Variants in BCL6 observed in about 807,000 individuals in gnomAD.
The protein encoded by BCL6 is B-cell lymphoma 6 protein.
In BCL6, 7 loss-of-function variants were observed where a neutral mutation model predicts 59.5. The ratio of observed to expected loss-of-function variants is 0.12; its 90% CI spans 0.07 to 0.22. BCL6 has a LOEUF of 0.22. BCL6 is among the 10% of genes least tolerant of loss of function. BCL6 has a pLI of 1.00. For synonymous variants in BCL6, 339 were observed against 349.7 expected (o/e 0.97, Z 0.34); for missense variants, 685 against 939.4 (o/e 0.73, Z 3.54).
At chr3:187,744,107 A>C (rs1711748779) in intron 1 of BCL6, among the ~76,000 whole-genome samples, 1 of 152,196 alleles carries the variant, frequency 6.6e-6, no homozygotes, top group Admixed American at 6.5e-5. Flanking sequence ...TTCCCTTTTT[A>C]CAGAGCTTGC....
intron 1 of BCL6, among the ~76,000 whole-genome samples, chr3:187,744,765 G>C: frequency 6.6e-6 from 1 of 152,022 alleles, no homozygotes; most frequent in East Asian, 1.9e-4. Flanking sequence ...AGGAAGAAGA[G>C]GCGAGGAAAA....
rs768291789 is a variant in BCL6, at chr3:187,729,876, T to G, written c.529A>C (p.Ser177Arg). ...LPLRSAPGCESRAFAPSLYSG... is the reference protein window; with the variant it reads ...LPLRSAPGCERRAFAPSLYSG... ...TACAGGCTGGGGGCAAAGGCTCTGCTCTCACACCCAGGGGCGCTCCTCAGT... is the reference window on the plus strand; with the variant it reads ...TACAGGCTGGGGGCAAAGGCTCTGCGCTCACACCCAGGGGCGCTCCTCAGT... Residue 177 changes from serine to arginine, a missense_variant, in exon 5 of 10, where the codon AGC (serine) becomes CGC (arginine). By Grantham distance (110) the Ser-to-Arg change is moderately radical. Transcript: ENST00000406870. The surrounding 1 kb of genome is among the most constrained non-coding windows in gnomAD (Gnocchi z 5.6). 1 of 1,614,070 alleles carries G rather than the reference T, an allele frequency of 6.2e-7. No homozygotes were observed. Among genetic ancestry groups the G allele is most frequent in the Admixed American group, 1.7e-5 (1 of 60,004 alleles).
chr3:187,727,409 A>G (rs3774309), intron 6 of BCL6, among the ~76,000 whole-genome samples: 82,162 of 152,228 alleles, frequency 0.54, 25,991 homozygotes, highest in East Asian at 0.8. Flanking sequence ...GCATTCCAGG[A>G]ATGTAAGATA....
chr3:187,726,646 G>GC, intron 7 of BCL6, 85 bp downstream of exon 7: 2 of 1,544,058 alleles, frequency 1.3e-6, no homozygotes, highest in Non-Finnish European at 1.8e-6. Context: ...AGGTCTCCAG[G>GC]CCCCACACAG....
Position 187,745,465 on chromosome 3 carries a change from T to A in BCL6, c.-105A>T, listed in dbSNP as rs1711912532. ...GCATCACCACTTCTAAGAACCCCAG[T>A]TCTAAGAATCAACAGAGCTCAATTC... On this transcript the variant is annotated 5_prime_UTR_variant, in exon 1 of 10. Transcript: ENST00000406870. The A allele has an allele frequency of 2.5e-6, 1 of 399,198 alleles. No homozygotes were observed. The highest frequency in any genetic ancestry group is 6.2e-4 in the Middle Eastern group (1 of 1,618). The allele number at this position is 399,198 out of a possible 1,614,324, so 24.7% of individuals were successfully genotyped here. A position where few individuals can be genotyped will look rare whatever the true frequency, so the allele number is the denominator to read the frequency against.
At chr3:187,724,125 A>C (rs1160244035) in intron 9 of BCL6, among the ~76,000 whole-genome samples, 1 of 152,176 alleles carries the variant, frequency 6.6e-6, no homozygotes, top group Non-Finnish European at 1.5e-5. Flanking sequence ...CCATTCATTG[A>C]TTACTTCTTG....
At chr3:187,737,262 T>A (rs1422162294) in intron 1 of BCL6, 1 of 141,592 alleles carries the variant, frequency 7.1e-6, no homozygotes, top group Admixed American at 7.3e-5. Context: ...AGAAGACAGA[T>A]CCTTTAAAAG....
intron 4 of BCL6, among the ~76,000 whole-genome samples, chr3:187,730,919 G>A (rs1719008674): frequency 1.3e-5 from 2 of 152,204 alleles, no homozygotes; most frequent in Non-Finnish European, 2.9e-5. Context: ...GTGGTTCTGG[G>A]AACACTGAGT....
chr3:187,733,792 A>T (rs769179380), intron 2 of BCL6, 89 bp from the exon 3 acceptor site: 1 of 1,390,328 alleles, frequency 7.2e-7, no homozygotes, highest in South Asian at 1.2e-5. Flanking sequence ...TAGCCTGCTA[A>T]GGTACAGAAT....
chr3:187,731,215 T>A (rs539058453), intron 4 of BCL6, among the ~76,000 whole-genome samples: 190 of 152,294 alleles, frequency 1.2e-3, no homozygotes, highest in African/African-American at 4.5e-3. Context: ...GTGAGTAAGA[T>A]AGCCCCTATA....
intron 1 of BCL6, among the ~76,000 whole-genome samples, chr3:187,741,857 A>G (rs1473838697): frequency 6.6e-6 from 1 of 151,896 alleles, no homozygotes; most frequent in Admixed American, 6.6e-5. Flanking sequence ...ATCCCTCACT[A>G]TCTCGGTATC....
chr3:187,733,688 G>A lies in BCL6; in HGVS notation c.6C>T (p.Ala2=). The A allele has an allele frequency of 1.4e-5, 23 of 1,614,076 alleles. No homozygotes were observed. Among genetic ancestry groups the A allele is most frequent in the Non-Finnish European group, 1.9e-5 (23 of 1,179,976 alleles). Residue 2 remains alanine (A), a synonymous_variant, in exon 3 of 10, where the codon GCC becomes GCT. Transcript: ENST00000406870. ...ACTGGATACAGCTGTCAGCCGGCGA[G>A]GCCATTTTGTCTTCACTTGAAAAAA... is the stretch of plus-strand genomic sequence containing the variant. The part of the protein sequence containing the change: M[A]SPADSCIQFT...
chr3:187,725,196 A>C lies in BCL6; in HGVS notation c.1840-118T>G. 1 of 1,456,842 alleles carries C rather than the reference A, an allele frequency of 6.9e-7. No individual in the cohort carries two copies. Among genetic ancestry groups the C allele is most frequent in the East Asian group, 2.3e-5 (1 of 43,290 alleles). 90.2% of individuals were successfully genotyped at this position (1,456,842 alleles called of 1,614,324 possible). Reference sequence around the variant, plus strand: ...TCTCCAGGCCACTCTGCTCACCTGCACACAGGGACTGAGTGGGCCTTTCTG... The same window carrying C: ...TCTCCAGGCCACTCTGCTCACCTGCCCACAGGGACTGAGTGGGCCTTTCTG... On this transcript the variant is annotated intron_variant, in intron 8 of 9. Transcript: ENST00000406870. This position sits in a 1 kb window ranked among gnomAD's most constrained non-coding sequence, Gnocchi z 4.7.
chr3:187,734,961 T>C (rs1048950784), intron 1 of BCL6, 54 bp from the exon 2 acceptor site: 29 of 152,666 alleles, frequency 1.9e-4, no homozygotes, highest in African/African-American at 2.4e-5. Flanking sequence ...TGTAAGATTG[T>C]CCACTATAGT....
intron 1 of BCL6, among the ~76,000 whole-genome samples, chr3:187,744,950 A>T (rs1711847531): frequency 6.6e-6 from 1 of 152,240 alleles, no homozygotes; most frequent in South Asian, 2.1e-4. Flanking sequence ...CTGGGGCCAG[A>T]CAGCCCCCAG....
chr3:187,722,195 C>A lies in BCL6; in HGVS notation c.*263G>T. 1 of 362,822 alleles carries A rather than the reference C, an allele frequency of 2.8e-6. No homozygotes were observed. The highest frequency in any genetic ancestry group is 4.9e-6 in the Non-Finnish European group (1 of 204,760). The allele number at this position is 362,822 out of a possible 1,614,324, so 22.5% of individuals were successfully genotyped here. ...TGCTTTGACATATAAAATGATTTTG[C>A]TTTTTGCTGACATGGTTCACCTTAC... On this transcript the variant is annotated 3_prime_UTR_variant, in exon 10 of 10. Transcript: ENST00000406870.
intron 1 of BCL6, among the ~76,000 whole-genome samples, chr3:187,744,781 A>T: frequency 6.6e-6 from 1 of 151,352 alleles, no homozygotes; most frequent in South Asian, 2.1e-4. Context: ...GAAAAAGAGG[A>T]GGGAGGGAAG....
intron 6 of BCL6, among the ~76,000 whole-genome samples, chr3:187,728,022 G>T (rs1281939082): frequency 6.6e-6 from 1 of 152,160 alleles, no homozygotes; most frequent in Non-Finnish European, 1.5e-5. Context: ...CATGCACACA[G>T]GTCAGTCCTA....
chr3:187,740,649 C>T (rs1470701030), intron 1 of BCL6, among the ~76,000 whole-genome samples: 2 of 152,294 alleles, frequency 1.3e-5, no homozygotes, highest in African/African-American at 2.4e-5. Flanking sequence ...AAGTCACTAA[C>T]TCACCACTAA....
Sources: allele counts gnomAD v4.1 joint callset (sites outside exome capture counted in the v4.1 genomes callset), GRCh38; gene constraint gnomAD v4.1.1; non-coding constraint Gnocchi (gnomAD v3.1); transcripts MANE v1.5; gene names NCBI Gene and HGNC (gene_info 2026-07-23, HGNC 2026-07-21).